The following MARCHF11 variants were observed in gnomAD, a reference collection of about 807,000 sequenced individuals.
MARCHF11 encodes the protein membrane associated ring-CH-type finger 11, also known as E3 ubiquitin-protein ligase MARCHF11.
MARCHF11 carries 29 observed loss-of-function variants against 37.3 expected under a neutral mutation model. The ratio of observed to expected loss-of-function variants is 0.78; its 90% confidence interval spans 0.58 to 1.06. The LOEUF is 1.06. Among genes scored for constraint, MARCHF11 ranks in the 50% least tolerant of loss-of-function variants. MARCHF11 has a pLI of 0.00. For missense variants in MARCHF11, 482 were observed against 533.4 expected (o/e 0.90, Z 0.95); for synonymous variants, 233 against 228.0 (o/e 1.02, Z -0.20).
intron 2 of MARCHF11, among the ~76,000 whole-genome samples, chr5:16,116,945 T>C (rs977248711): frequency 5.3e-5 from 8 of 152,162 alleles, no homozygotes; most frequent in African/African-American, 1.7e-4. Context: ...GCTGCCCAGA[T>C]GAGACATTTC....
chr5:16,163,104 A>C (rs1475453149), intron 2 of MARCHF11, among the ~76,000 whole-genome samples: 1 of 152,022 alleles, frequency 6.6e-6, no homozygotes, highest in African/African-American at 2.4e-5. Context: ...AGGGCGCTTA[A>C]GTTACAAAAG....
chr5:16,096,012 C>G (rs149131475), intron 2 of MARCHF11, among the ~76,000 whole-genome samples: 2 of 152,208 alleles, frequency 1.3e-5, no homozygotes, highest in African/African-American at 4.8e-5. Flanking sequence ...TCCACTCTGG[C>G]CAAGCCACCA....
intron 2 of MARCHF11, among the ~76,000 whole-genome samples, chr5:16,119,532 C>T (rs891255486): frequency 2.0e-5 from 3 of 152,018 alleles, no homozygotes; most frequent in Admixed American, 1.3e-4. Context: ...CTGGGAGAGA[C>T]ATCACCCAGG....
At chr5:16,075,736 CAAAG>C (rs771459751) in intron 3 of MARCHF11, among the ~76,000 whole-genome samples, 1 of 151,958 alleles carries the variant, frequency 6.6e-6, no homozygotes, top group Non-Finnish European at 1.5e-5. Context: ...TTGCAGATGC[CAAAG>C]AAACTGAGAC....
At chr5:16,116,240 ACT>A (rs984556333) in intron 2 of MARCHF11, among the ~76,000 whole-genome samples, 9 of 152,156 alleles carry the variant, frequency 5.9e-5, no homozygotes. Flanking sequence ...TGTCTGTCTA[ACT>A]CTGTACAGGC....
At chr5:16,075,540 C>G (rs1035824365) in intron 3 of MARCHF11, among the ~76,000 whole-genome samples, 5 of 151,936 alleles carry the variant, frequency 3.3e-5, no homozygotes, top group Non-Finnish European at 7.3e-5. Context: ...GGAACCTGTT[C>G]CTATCTCAGT....
At chr5:16,121,588 C>A (rs927650503) in intron 2 of MARCHF11, among the ~76,000 whole-genome samples, 3 of 152,182 alleles carry the variant, frequency 2.0e-5, no homozygotes, top group Non-Finnish European at 4.4e-5. Context: ...GAAGGCATCA[C>A]TGAAGAGGTG....
chr5:16,122,506 A>G (rs921852637), intron 2 of MARCHF11, among the ~76,000 whole-genome samples: 2 of 152,206 alleles, frequency 1.3e-5, no homozygotes, highest in African/African-American at 2.4e-5. Flanking sequence ...GAATTCAACA[A>G]ATGTTAACAG....
At chr5:16,088,137 T>C (rs1736729807) in intron 3 of MARCHF11, among the ~76,000 whole-genome samples, 1 of 152,148 alleles carries the variant, frequency 6.6e-6, no homozygotes, top group Non-Finnish European at 1.5e-5. Context: ...CAAGTATCTG[T>C]TCATCTGCTT....
intron 3 of MARCHF11, among the ~76,000 whole-genome samples, chr5:16,085,735 G>A (rs1177529230): frequency 1.3e-5 from 2 of 151,918 alleles, no homozygotes; most frequent in African/African-American, 4.8e-5. Flanking sequence ...GGTGGATCAC[G>A]AGGTCAGGAG....
At chr5:16,107,692 G>GC (rs145453443) in intron 2 of MARCHF11, among the ~76,000 whole-genome samples, 1,900 of 151,992 alleles carry the variant, frequency 0.013, 35 homozygotes, top group African/African-American at 0.041. Context: ...GGCCGATCAC[G>GC]CCCCCCTATC....
chr5:16,178,651 G>A (rs917652219), intron 1 of MARCHF11, among the ~76,000 whole-genome samples: 14 of 152,162 alleles, frequency 9.2e-5, no homozygotes, highest in Non-Finnish European at 2.1e-4. Context: ...TATGACATCT[G>A]TCTCAAGATA....
chr5:16,165,774 G>A (rs1351336228), intron 2 of MARCHF11, among the ~76,000 whole-genome samples: 1 of 151,960 alleles, frequency 6.6e-6, no homozygotes, highest in Non-Finnish European at 1.5e-5. Context: ...TTGATTGCCT[G>A]GCTACATAGA....
chr5:16,129,116 G>C (rs978082388), intron 2 of MARCHF11: 3 of 152,156 alleles, frequency 2.0e-5, no homozygotes, highest in African/African-American at 7.2e-5. Context: ...GCATCGTTCA[G>C]TCCTTCTACG....
chr5:16,089,107 A>G (rs1186764063), intron 3 of MARCHF11, among the ~76,000 whole-genome samples: 1 of 152,096 alleles, frequency 6.6e-6, no homozygotes, highest in Non-Finnish European at 1.5e-5. Context: ...ATTAAAAAAA[A>G]AAATCATTTC....
At chr5:16,122,918 ATT>A (rs1171498674) in intron 2 of MARCHF11, among the ~76,000 whole-genome samples, 1 of 152,180 alleles carries the variant, frequency 6.6e-6, no homozygotes, top group East Asian at 1.9e-4. Flanking sequence ...GAAAGGCTGG[ATT>A]ATACTATGTT....
At chr5:16,104,232 C>T (rs1039271194) in intron 2 of MARCHF11, among the ~76,000 whole-genome samples, 8 of 152,206 alleles carry the variant, frequency 5.3e-5, no homozygotes, top group South Asian at 2.1e-4. Flanking sequence ...GTACTCACTT[C>T]GTTTCATTAT....
chr5:16,120,881 T>C (rs2126576873), intron 2 of MARCHF11, among the ~76,000 whole-genome samples: 1 of 152,266 alleles, frequency 6.6e-6, no homozygotes, highest in East Asian at 1.9e-4. Flanking sequence ...CTTCTAGAGA[T>C]ATGCACGAGC....
chr5:16,071,267 C>T (rs575253057), intron 3 of MARCHF11, among the ~76,000 whole-genome samples: 1 of 152,260 alleles, frequency 6.6e-6, no homozygotes, highest in South Asian at 2.1e-4. Flanking sequence ...ATACTCACTA[C>T]ATTATTAACA....
Sources: gnomAD v4.1 joint callset for allele counts (sites outside exome capture counted in the v4.1 genomes callset) on GRCh38, gnomAD v4.1.1 for gene constraint, MANE v1.5 for transcripts, NCBI Gene and HGNC (gene_info 2026-07-23, HGNC 2026-07-21) for gene names.